Variants in DISC1 observed in about 807,000 individuals in gnomAD.
DISC1 encodes the protein disrupted in schizophrenia 1 protein.
Under a neutral mutation model 84.5 loss-of-function variants are expected in DISC1, and 57 were observed. That is an observed-to-expected ratio of 0.67 (90% CI 0.55 to 0.84). DISC1 has a LOEUF of 0.84. Ranked by LOEUF, DISC1 falls within the 40% of genes least tolerant of loss-of-function variation. The pLI, the probability that DISC1 is intolerant of heterozygous loss-of-function variation, is 0.00. For synonymous variants in DISC1, 411 were observed against 415.2 expected (o/e 0.99, Z 0.12); for missense variants, 1,000 against 1,057.8 (o/e 0.95, Z 0.76).
intron 11 of DISC1, among the ~76,000 whole-genome samples, chr1:232,019,407 C>T: frequency 6.6e-6 from 1 of 152,160 alleles, no homozygotes; most frequent in East Asian, 1.9e-4. Flanking sequence ...AGACAAATTA[C>T]TGGAGAGTCT....
chr1:231,718,824 TCTC>T (rs1189630935), intron 3 of DISC1, among the ~76,000 whole-genome samples: 1 of 152,106 alleles, frequency 6.6e-6, no homozygotes, highest in Non-Finnish European at 1.5e-5. Flanking sequence ...ACCACCTCCT[TCTC>T]CTACTAGGTC....
rs1574105455 is a variant in DISC1 at position 231,826,202 on chromosome 1, C to T, written c.1981+7685C>T. On this transcript the variant is annotated intron_variant, in intron 9 of 12. Transcript: ENST00000439617. This position sits in a 1 kb window ranked among gnomAD's most constrained non-coding sequence, Gnocchi z 4.2. ...AAGAAGCTGAGGTTTAGGAAGGATC[C>T]TGTCACAGAGCCTTCAGGGGGCAAG... 6.6e-6 allele frequency among the ~76,000 whole-genome samples: 1 copy of T among 152,146 alleles called. No individual in the cohort carries two copies. The highest frequency in any genetic ancestry group is 1.5e-5 in the Non-Finnish European group (1 of 68,034).
chr1:232,017,015 T>A (rs1435334001), intron 11 of DISC1, among the ~76,000 whole-genome samples: 1 of 152,202 alleles, frequency 6.6e-6, no homozygotes, highest in Admixed American at 6.5e-5. Context: ...ACAAACACCA[T>A]AAAATCTATG....
chr1:231,958,914 A>G (rs556496164), intron 10 of DISC1, 26 bp downstream of exon 10: 9 of 1,608,956 alleles, frequency 5.6e-6, no homozygotes, highest in Non-Finnish European at 7.6e-6. Context: ...TCTGTATTTC[A>G]GACTCCGTAG....
At chr1:231,650,804 C>G (rs1286611923) in intron 1 of DISC1, among the ~76,000 whole-genome samples, 3 of 152,148 alleles carry the variant, frequency 2.0e-5, no homozygotes, top group Non-Finnish European at 2.9e-5. Context: ...CGCCTTATTT[C>G]ATTAATTTGA....
chr1:231,751,549 A>G (rs769601552), intron 4 of DISC1, among the ~76,000 whole-genome samples: 4 of 152,212 alleles, frequency 2.6e-5, no homozygotes, highest in African/African-American at 9.7e-5. Flanking sequence ...ATGTTGTGCA[A>G]TCATCACCAC....
intron 10 of DISC1, among the ~76,000 whole-genome samples, chr1:231,960,734 C>T (rs1660275268): frequency 1.3e-5 from 2 of 151,682 alleles, no homozygotes; most frequent in African/African-American, 4.9e-5. Context: ...AGCTGGGTGT[C>T]CTCTAACTCA....
intron 9 of DISC1, among the ~76,000 whole-genome samples, chr1:231,927,555 A>G (rs953372564): frequency 6.6e-6 from 1 of 152,064 alleles, no homozygotes; most frequent in Non-Finnish European, 1.5e-5. Flanking sequence ...GAAACCCCTC[A>G]TCCACCTGCC....
At chr1:231,886,767 C>CTTCCTTTCTTTT (rs2086729865) in intron 9 of DISC1, among the ~76,000 whole-genome samples, 2 of 66,064 alleles carry the variant, frequency 3.0e-5, no homozygotes, top group African/African-American at 1.1e-4. Flanking sequence ...TCCTTCCTTC[C>CTTCCTTTCTTTT]TTTCTTTCTT....
At position 231,928,315 on chromosome 1, in the gene DISC1, C is replaced by A. The variant is rs577025856; in HGVS notation, c.1982-30513C>A. Reference sequence around the variant, plus strand: ...GTTCTTGTCCTGTTGGGGGGCTTTTCAGTAAGCAGTGTCAGTGAAAGGGCA... The same window carrying A: ...GTTCTTGTCCTGTTGGGGGGCTTTTAAGTAAGCAGTGTCAGTGAAAGGGCA... On this transcript the variant is annotated intron_variant, in intron 9 of 12. Coordinates refer to ENST00000439617, the MANE Select transcript of DISC1 (RefSeq NM_018662.3). 3.9e-4 allele frequency among the ~76,000 whole-genome samples: 59 copies of A among 152,302 alleles called. 1 individual carries two copies. The South Asian group carries it at 0.011, about 29-fold the overall frequency.
intron 3 of DISC1, among the ~76,000 whole-genome samples, chr1:231,708,810 C>T (rs1464869305): frequency 1.3e-5 from 2 of 152,140 alleles, no homozygotes; most frequent in Admixed American, 1.3e-4. Flanking sequence ...CTCTTATTTA[C>T]ATGACAGTGA....
intron 3 of DISC1, chr1:231,723,594 A>C: frequency 1.0e-6 from 1 of 985,302 alleles, no homozygotes; most frequent in African/African-American, 1.7e-5. Flanking sequence ...AACATTTTAA[A>C]ATATTGGTCC....
chr1:232,041,194 A>G lies in DISC1; in HGVS notation c.*4363A>G, dbSNP rs1054799289. On this transcript the variant is annotated 3_prime_UTR_variant, in exon 13 of 13. Coordinates refer to ENST00000439617, the MANE Select transcript of DISC1 (RefSeq NM_018662.3). ...ATAGAAAAATGTATCAGGTTTATTC[A>G]TCTCATCTTTCTGTTACAGGATGAT... The G allele has an allele frequency of 6.6e-6, 1 of 152,216 alleles. No individual in the cohort carries two copies. The highest frequency in any genetic ancestry group is 2.4e-5 in the African/African-American group (1 of 41,462). 9.4% of individuals were successfully genotyped at this position (152,216 alleles called of 1,614,324 possible). A position where few individuals can be genotyped will look rare whatever the true frequency, so the allele number is the denominator to read the frequency against.
chr1:232,024,696 G>T (rs763754034), intron 11 of DISC1, among the ~76,000 whole-genome samples: 10 of 151,772 alleles, frequency 6.6e-5, no homozygotes, highest in Admixed American at 1.3e-4. Flanking sequence ...GGGTTCAAGC[G>T]ATTCTTCTGC....
chr1:231,842,179 T>C (rs2083129747), intron 9 of DISC1, among the ~76,000 whole-genome samples: 1 of 151,972 alleles, frequency 6.6e-6, no homozygotes, highest in Admixed American at 6.5e-5. Flanking sequence ...AAAACATTTA[T>C]TTTTGTAGAG....
intron 7 of DISC1, 64 bp from the exon 8 acceptor site, chr1:231,800,044 G>T (rs1236550627): frequency 1.6e-6 from 2 of 1,265,226 alleles, no homozygotes; most frequent in Admixed American, 1.7e-5. Context: ...TGACCTGGCT[G>T]TTCCACTGCC....
chr1:231,939,534 G>A (rs549618453), intron 9 of DISC1, among the ~76,000 whole-genome samples: 24 of 152,220 alleles, frequency 1.6e-4, no homozygotes, highest in Admixed American at 1.2e-3. Context: ...ATTCACACAC[G>A]TTTCTTGTCA....
intron 1 of DISC1, among the ~76,000 whole-genome samples, chr1:231,693,523 G>A (rs948010424): frequency 6.6e-6 from 1 of 152,210 alleles, no homozygotes; most frequent in Non-Finnish European, 1.5e-5. Flanking sequence ...ATGTTGGAGG[G>A]TTCAGGAGCT....
intron 9 of DISC1, among the ~76,000 whole-genome samples, chr1:231,932,537 T>A (rs1262694088): frequency 6.6e-6 from 1 of 152,142 alleles, no homozygotes; most frequent in Non-Finnish European, 1.5e-5. Flanking sequence ...CCTGAGTTCA[T>A]GGTAGGGGCT....
Sources: allele counts gnomAD v4.1 joint callset (sites outside exome capture counted in the v4.1 genomes callset), GRCh38; gene constraint gnomAD v4.1.1; non-coding constraint Gnocchi (gnomAD v3.1); transcripts MANE v1.5; gene names NCBI Gene and HGNC (gene_info 2026-07-23, HGNC 2026-07-21).